The following NUP93 variants were observed in gnomAD, a reference collection of about 807,000 sequenced individuals.
NUP93 encodes the protein nucleoporin 93.
NUP93 carries 55 observed loss-of-function variants against 107.8 expected under a neutral mutation model. The ratio of observed to expected loss-of-function variants is 0.51; its 90% CI spans 0.41 to 0.64. The LOEUF (loss-of-function observed/expected upper bound fraction) is 0.64, where lower values mean the gene tolerates loss of function less well. NUP93 is among the 30% of genes least tolerant of loss of function. NUP93 has a pLI of 0.00. For missense variants in NUP93, 937 were observed against 1,044.7 expected (o/e 0.90, Z 1.42); for synonymous variants, 390 against 397.5 (o/e 0.98, Z 0.22).
chr16:56,822,677 C>T (rs754339557), intron 7 of NUP93, among the ~76,000 whole-genome samples: 1 of 151,336 alleles, frequency 6.6e-6, no homozygotes, highest in African/African-American at 2.4e-5. Flanking sequence ...TCTCCTACCT[C>T]GGCCTCCCGA....
intron 3 of NUP93, among the ~76,000 whole-genome samples, chr16:56,770,509 A>T (rs1962299552): frequency 1.3e-5 from 2 of 152,188 alleles, no homozygotes; most frequent in Admixed American, 1.3e-4. Context: ...AGGGGGGAAA[A>T]TTGACTTCCG....
intron 1 of NUP93, chr16:56,740,988 A>G (rs1961728768): frequency 6.7e-6 from 1 of 150,318 alleles, no homozygotes; most frequent in Admixed American, 6.6e-5. Flanking sequence ...TCGGCTCCGC[A>G]TGAGAGGGAG....
intron 3 of NUP93, among the ~76,000 whole-genome samples, chr16:56,793,857 A>G (rs1440954323): frequency 6.6e-6 from 1 of 152,162 alleles, no homozygotes; most frequent in African/African-American, 2.4e-5. Context: ...GTTCGCGACC[A>G]GCCTGACCAA....
intron 5 of NUP93, among the ~76,000 whole-genome samples, chr16:56,812,763 G>C (rs1411184363): frequency 6.6e-6 from 1 of 152,208 alleles, no homozygotes; most frequent in African/African-American, 2.4e-5. Flanking sequence ...AGTAGGAATT[G>C]AAAGATTGTT....
At position 56,831,918 on chromosome 16, in the gene NUP93, C is replaced by A. The variant is rs145146218; in HGVS notation, c.1162C>A (p.Arg388=). Residue 388 remains arginine, a synonymous_variant, in exon 11 of 22, where the codon CGG becomes AGG. Transcript: ENST00000308159. ...ALRNNTDPYK[R]AVYCIIGRCD... ...CAGGAACAATACAGATCCCTACAAG[C>A]GGGCCGTGTACTGTATCATTGGCAG... The A allele has an allele frequency of 1.2e-6, 2 of 1,614,068 alleles. No homozygotes were observed. The highest frequency in any genetic ancestry group is 1.7e-6 in the Non-Finnish European group (2 of 1,179,980).
intron 5 of NUP93, among the ~76,000 whole-genome samples, chr16:56,806,751 A>G (rs530868454): frequency 2.5e-4 from 38 of 152,292 alleles, no homozygotes; most frequent in Middle Eastern, 6.8e-3. Flanking sequence ...GACAGAAACT[A>G]TCATCTTTCT....
intron 5 of NUP93, among the ~76,000 whole-genome samples, chr16:56,812,175 A>G (rs1963329791): frequency 6.6e-6 from 1 of 152,186 alleles, no homozygotes; most frequent in African/African-American, 2.4e-5. Flanking sequence ...AATTCTGGTA[A>G]TTTAATATAA....
intron 1 of NUP93, among the ~76,000 whole-genome samples, chr16:56,734,198 G>A (rs1271293212): frequency 6.6e-6 from 1 of 152,202 alleles, no homozygotes; most frequent in East Asian, 1.9e-4. Context: ...TGGACGGTGG[G>A]GCTGCTTTAG....
At chr16:56,743,264 G>C (rs1961767715) in intron 1 of NUP93, among the ~76,000 whole-genome samples, 1 of 152,090 alleles carries the variant, frequency 6.6e-6, no homozygotes, top group African/African-American at 2.4e-5. Flanking sequence ...TATGCAGTTT[G>C]GGAATTTTCT....
At chr16:56,837,398 A>G (rs567278835) in intron 17 of NUP93, among the ~76,000 whole-genome samples, 28 of 152,332 alleles carry the variant, frequency 1.8e-4, no homozygotes, top group African/African-American at 6.5e-4. Context: ...CCCCGTCTCT[A>G]CTAAAAATAT....
chr16:56,737,640 TG>T (rs1961634756), intron 1 of NUP93, among the ~76,000 whole-genome samples: 1 of 152,110 alleles, frequency 6.6e-6, no homozygotes, highest in African/African-American at 2.4e-5. Flanking sequence ...TTTTTCTTTT[TG>T]TATCTGGCTT....
At chr16:56,806,464 G>A (rs540744568) in intron 5 of NUP93, among the ~76,000 whole-genome samples, 1 of 152,214 alleles carries the variant, frequency 6.6e-6, no homozygotes, top group South Asian at 2.1e-4. Context: ...TTGAAAACAA[G>A]TGTGTAGCTT....
chr16:56,820,291 T>TAC (rs1306211128), intron 6 of NUP93, among the ~76,000 whole-genome samples: 1 of 152,216 alleles, frequency 6.6e-6, no homozygotes, highest in African/African-American at 2.4e-5. Context: ...TACGTCATGG[T>TAC]TTAAAACCAT....
intron 1 of NUP93, among the ~76,000 whole-genome samples, chr16:56,747,311 G>A (rs1961836673): frequency 1.3e-5 from 2 of 152,132 alleles, no homozygotes; most frequent in Admixed American, 6.5e-5. Flanking sequence ...TCTTACCATG[G>A]TGCTACTTTT....
chr16:56,820,716 C>T (rs1963525594), intron 6 of NUP93, among the ~76,000 whole-genome samples: 1 of 152,150 alleles, frequency 6.6e-6, no homozygotes, highest in African/African-American at 2.4e-5. Flanking sequence ...CATGATTTGT[C>T]TAACATCACT....
intron 2 of NUP93, among the ~76,000 whole-genome samples, chr16:56,751,311 A>G (rs933024335): frequency 6.6e-6 from 1 of 152,312 alleles, no homozygotes; most frequent in East Asian, 1.9e-4. Context: ...TATTACCCCA[A>G]AGTTTTACAG....
intron 3 of NUP93, among the ~76,000 whole-genome samples, chr16:56,786,723 G>A (rs1268114907): frequency 1.3e-5 from 2 of 152,214 alleles, no homozygotes; most frequent in Non-Finnish European, 2.9e-5. Flanking sequence ...GGGCAGAGTT[G>A]TTACGTTCAT....
rs1567391409 is a variant in NUP93, at chr16:56,794,090, G to GATAGA, written c.298-4386_298-4385insATAGA. Among the ~76,000 whole-genome samples, 585 of 76,054 alleles carry GATAGA rather than the reference G, an allele frequency of 7.7e-3. 6 individuals carry two copies. Among genetic ancestry groups the GATAGA allele is most frequent in the Admixed American group, 0.041 (296 of 7,158 alleles). The allele number at this position is 76,054 out of a possible 152,430, so 49.9% of individuals were successfully genotyped here. A position where few individuals can be genotyped will look rare whatever the true frequency, so the allele number is the denominator to read the frequency against. On this transcript the variant is annotated intron_variant, in intron 3 of 21. Coordinates refer to ENST00000308159, the MANE Select transcript of NUP93 (RefSeq NM_014669.5). The stretch of plus-strand genomic sequence containing the variant: ...GATAGATAGGTAGGTAGGTAGGTAG[G>GATAGA]TAGATAGATAGATAGATAGATAGAT...
chr16:56,754,577 G>A (rs1176431814), intron 2 of NUP93, among the ~76,000 whole-genome samples: 1 of 152,216 alleles, frequency 6.6e-6, no homozygotes, highest in Non-Finnish European at 1.5e-5. Context: ...CAAAACAAAG[G>A]GGCTACAGAC....
Sources: allele counts gnomAD v4.1 joint callset (sites outside exome capture counted in the v4.1 genomes callset), GRCh38; gene constraint gnomAD v4.1.1; transcripts MANE v1.5; gene names NCBI Gene and HGNC (gene_info 2026-07-23, HGNC 2026-07-21).